Variants in TBC1D19 observed in about 807,000 individuals in gnomAD.
TBC1D19 encodes the protein TBC1 domain family, member 19.
A neutral mutation model predicts 89.0 loss-of-function variants in TBC1D19; 60 were observed. The ratio of observed to expected loss-of-function variants is 0.67; its 90% CI spans 0.55 to 0.84. The LOEUF (loss-of-function observed/expected upper bound fraction) is 0.84. Among genes scored for constraint, TBC1D19 ranks in the 40% least tolerant of loss-of-function variants. The pLI is 0.00. For synonymous variants in TBC1D19, 189 were observed against 199.7 expected (o/e 0.95, Z 0.45); for missense variants, 500 against 610.8 (o/e 0.82, Z 1.91).
intron 13 of TBC1D19, among the ~76,000 whole-genome samples, chr4:26,692,082 G>A (rs1448232572): frequency 1.3e-5 from 2 of 152,148 alleles, no homozygotes; most frequent in African/African-American, 4.8e-5. Context: ...CTTGAGTCAT[G>A]ACCTGCTTTT....
chr4:26,651,067 T>C (rs1285630135), intron 7 of TBC1D19, among the ~76,000 whole-genome samples: 4 of 152,226 alleles, frequency 2.6e-5, no homozygotes, highest in Admixed American at 6.5e-5. Context: ...TCTGTTCCAT[T>C]GGTCTATATC....
chr4:26,852,293 C>T, the TBC1D19 span, among the ~76,000 whole-genome samples: 1 of 152,166 alleles, frequency 6.6e-6, no homozygotes, highest in Non-Finnish European at 1.5e-5. Flanking sequence ...GTGGCTCACA[C>T]CTATAATCCC....
chr4:26,590,141 C>G (rs1345933010), intron 1 of TBC1D19, among the ~76,000 whole-genome samples: 1 of 152,186 alleles, frequency 6.6e-6, no homozygotes, highest in Non-Finnish European at 1.5e-5. Context: ...CTCCTGTGCT[C>G]TGCCAAAGGT....
the TBC1D19 span, among the ~76,000 whole-genome samples, chr4:26,842,596 C>CTT: frequency 1.8e-5 from 2 of 112,106 alleles, no homozygotes; most frequent in African/African-American, 3.6e-5. Flanking sequence ...TTCTTTCTTT[C>CTT]TTTCTTTCTT....
chr4:26,726,319 G>A (rs1717320942), intron 15 of TBC1D19, among the ~76,000 whole-genome samples: 1 of 152,032 alleles, frequency 6.6e-6, no homozygotes, highest in Non-Finnish European at 1.5e-5. Context: ...AATAATCAAA[G>A]TACATCATTT....
the TBC1D19 span, among the ~76,000 whole-genome samples, chr4:26,822,624 A>G: frequency 6.6e-6 from 1 of 151,964 alleles, no homozygotes; most frequent in Non-Finnish European, 1.5e-5. Flanking sequence ...GATTGTTTCG[A>G]CCCCTCTTGA....
chr4:26,636,256 G>A (rs1333525372), intron 4 of TBC1D19, among the ~76,000 whole-genome samples: 1 of 151,676 alleles, frequency 6.6e-6, no homozygotes, highest in Non-Finnish European at 1.5e-5. Context: ...TTAGTAAAAA[G>A]ACAAAAAACA....
At chr4:26,805,114 C>T in the TBC1D19 span, among the ~76,000 whole-genome samples, 57,179 of 152,072 alleles carry the variant, frequency 0.38, 11,314 homozygotes, top group East Asian at 0.5. Context: ...CTGCCCTGAG[C>T]CTTCGTGTGT....
At chr4:26,645,919 C>T (rs571551655) in intron 7 of TBC1D19, among the ~76,000 whole-genome samples, 6,772 of 151,514 alleles carry the variant, frequency 0.045, 224 homozygotes, top group Non-Finnish European at 0.062. Context: ...GTCAGGAGAT[C>T]GAGACCATCC....
Position 26,577,060 on chromosome 4 carries a change from C to A in TBC1D19, c.6+263C>A, listed in dbSNP as rs1400982954. 3.9e-5 allele frequency among the ~76,000 whole-genome samples: 6 copies of A among 152,282 alleles called. No individual in the cohort carries two copies. In the East Asian group the frequency reaches 1.2e-3, roughly 29 times the overall value. On this transcript the variant is annotated intron_variant, in intron 1 of 12. Transcript: ENST00000512840. ...CAGTTGAGGGCCTTAACAGCAAAAA[C>A]TGAGGTTTTCTAGAGAAGAAGGAAT...
At chr4:26,857,229 G>A in the TBC1D19 span, among the ~76,000 whole-genome samples, 1 of 152,224 alleles carries the variant, frequency 6.6e-6, no homozygotes, top group Non-Finnish European at 1.5e-5. Flanking sequence ...CTTTAGAGGT[G>A]TTTCCAAAGT....
At chr4:26,721,407 C>T (rs993988696) in intron 15 of TBC1D19, among the ~76,000 whole-genome samples, 10 of 152,028 alleles carry the variant, frequency 6.6e-5, no homozygotes, top group South Asian at 4.1e-4. Flanking sequence ...TCTAATAAGT[C>T]GCGAGGACCT....
At chr4:26,772,981 A>C in the TBC1D19 span, among the ~76,000 whole-genome samples, 1 of 152,252 alleles carries the variant, frequency 6.6e-6, no homozygotes, top group Non-Finnish European at 1.5e-5. Flanking sequence ...GTATATACCC[A>C]GTAATGGGAT....
chr4:26,823,248 G>A, the TBC1D19 span, among the ~76,000 whole-genome samples: 2 of 152,102 alleles, frequency 1.3e-5, no homozygotes, highest in African/African-American at 4.8e-5. Flanking sequence ...TGCAAGAACA[G>A]CGGGAAAGAC....
intron 7 of TBC1D19, among the ~76,000 whole-genome samples, chr4:26,657,096 T>C (rs1036972902): frequency 1.3e-5 from 2 of 150,802 alleles, no homozygotes; most frequent in African/African-American, 4.9e-5. Context: ...TTTATTTATT[T>C]TTATTTTACT....
chr4:26,676,491 G>A (rs193017771), intron 11 of TBC1D19, among the ~76,000 whole-genome samples: 11 of 152,208 alleles, frequency 7.2e-5, no homozygotes, highest in Admixed American at 3.9e-4. Context: ...GCTGAGCCAG[G>A]TGAATCACCT....
chr4:26,828,292 G>A, the TBC1D19 span, among the ~76,000 whole-genome samples: 9 of 152,298 alleles, frequency 5.9e-5, no homozygotes, highest in East Asian at 1.3e-3. Context: ...CTTAGAAGGA[G>A]GCAACATGAC....
At chr4:26,735,634 A>ATGGGGAAC in intron 16 of TBC1D19, 147 bp downstream of exon 16, 4 of 597,290 alleles carry the variant, frequency 6.7e-6, no homozygotes, top group Non-Finnish European at 1.1e-5. Flanking sequence ...CTAGTTCCCC[A>ATGGGGAAC]TAGGGGCTTC....
Position 26,753,695 on chromosome 4 carries a change from T to A in TBC1D19, c.1436-125T>A, listed in dbSNP as rs958431277. The A allele has an allele frequency of 2.9e-5, 25 of 856,972 alleles. No homozygotes were observed. The African/African-American group carries it at 4.1e-4, about 14-fold the overall frequency. 53.1% of individuals were successfully genotyped at this position (856,972 alleles called of 1,614,324 possible). The stretch of plus-strand genomic sequence containing the variant: ...AAGACCTTAATTCAGAATGCGGGGG[T>A]GTGGTCCGTTGTGTAAAGCACTAGT... On this transcript the variant is annotated intron_variant, in intron 19 of 20. Coordinates refer to ENST00000264866, the MANE Select transcript of TBC1D19 (RefSeq NM_018317.4).
Sources: gnomAD v4.1 joint callset for allele counts (sites outside exome capture counted in the v4.1 genomes callset) on GRCh38, gnomAD v4.1.1 for gene constraint, MANE v1.5 for transcripts, NCBI Gene and HGNC (gene_info 2026-07-23, HGNC 2026-07-21) for gene names.